CSMD2: variants seen among roughly 807,000 people sequenced by gnomAD.
CSMD2 encodes the protein CUB and sushi domain-containing protein 2.
CSMD2 carries 130 observed loss-of-function variants against 398.5 expected under a neutral mutation model. The ratio of observed to expected loss-of-function variants is 0.33; its 90% confidence interval spans 0.28 to 0.38. CSMD2 has a LOEUF of 0.38. Ranked by LOEUF, CSMD2 falls within the 10% of genes least tolerant of loss-of-function variation. The probability of loss-of-function intolerance (pLI) is 1.00; values close to 1 mark genes in which losing one functional copy is unlikely to be tolerated. For synonymous variants in CSMD2, 1,828 were observed against 1,908.5 expected, an observed-to-expected ratio of 0.96 and a Z score of 1.10; for missense variants, 3,829 against 4,764.9, an observed-to-expected ratio of 0.80 and a Z score of 5.78.
At chr1:33,871,226 A>G (rs1275992815) in intron 5 of CSMD2, among the ~76,000 whole-genome samples, 6 of 152,214 alleles carry the variant, frequency 3.9e-5, no homozygotes, top group African/African-American at 1.2e-4. Flanking sequence ...GTATCATGAC[A>G]TATACCTAAA....
At chr1:33,946,016 C>T (rs1202549787) in intron 3 of CSMD2, among the ~76,000 whole-genome samples, 1 of 152,164 alleles carries the variant, frequency 6.6e-6, no homozygotes, top group Non-Finnish European at 1.5e-5. Context: ...CTATGATACA[C>T]TGGCTGAGAA....
intron 64 of CSMD2, among the ~76,000 whole-genome samples, chr1:33,532,738 C>G (rs920668123): frequency 1.8e-4 from 27 of 152,164 alleles, no homozygotes; most frequent in Non-Finnish European, 3.8e-4. Flanking sequence ...GCTGTTTTAT[C>G]AAGGGTGCAA....
intron 13 of CSMD2, among the ~76,000 whole-genome samples, chr1:33,760,181 C>T (rs1339666663): frequency 6.6e-6 from 1 of 152,230 alleles, no homozygotes; most frequent in Non-Finnish European, 1.5e-5. Flanking sequence ...CTTGCCACAC[C>T]TCTGGAATAA....
intron 46 of CSMD2, among the ~76,000 whole-genome samples, chr1:33,584,087 C>T (rs1002459381): frequency 4.6e-5 from 7 of 152,152 alleles, no homozygotes; most frequent in Non-Finnish European, 7.3e-5. Flanking sequence ...GTGGGTTCTA[C>T]TACCTGGCTT....
chr1:34,077,736 CAAAAAAAAAAA>C lies in CSMD2; in HGVS notation c.404+11230_404+11240del, dbSNP rs59532141. Among the ~76,000 whole-genome samples, 8 of 38,368 alleles carry C rather than the reference CAAAAAAAAAAA, an allele frequency of 2.1e-4. No individual in the cohort carries two copies. In the East Asian group the frequency reaches 4.2e-3, roughly 20 times the overall value. The allele number at this position is 38,368 out of a possible 152,430, so 25.2% of individuals were successfully genotyped here. A position where few individuals can be genotyped will look rare whatever the true frequency, so the allele number is the denominator to read the frequency against. ...TGGGCCACACAGCAAGACTCCATCT[CAAAAAAAAAAA>C]AAAAAAAAAAAAAAAAATGCTGTGA... is the stretch of plus-strand genomic sequence containing the variant. On this transcript the variant is annotated intron_variant, in intron 2 of 70. Coordinates refer to ENST00000373381, the MANE Select transcript of CSMD2 (RefSeq NM_001281956.2).
chr1:34,098,989 T>C (rs186133068), intron 1 of CSMD2, among the ~76,000 whole-genome samples: 1 of 152,334 alleles, frequency 6.6e-6, no homozygotes, highest in Non-Finnish European at 1.5e-5. Flanking sequence ...CTATTACTAA[T>C]ACTTAGGGGG....
chr1:33,743,143 A>C, intron 14 of CSMD2, 137 bp downstream of exon 14: 1 of 679,548 alleles, frequency 1.5e-6, no homozygotes, highest in Non-Finnish European at 2.5e-6. Flanking sequence ...GAGCTCCATG[A>C]CTGGGCACTG....
At chr1:33,651,835 G>A (rs192084880) in intron 28 of CSMD2, among the ~76,000 whole-genome samples, 32 of 152,248 alleles carry the variant, frequency 2.1e-4, no homozygotes, top group Middle Eastern at 3.4e-3. Context: ...GAGAGTGAAC[G>A]GGAGGTGAGG....
intron 5 of CSMD2, among the ~76,000 whole-genome samples, chr1:33,847,927 C>A (rs531263090): frequency 1.3e-5 from 2 of 152,208 alleles, no homozygotes; most frequent in Non-Finnish European, 2.9e-5. Flanking sequence ...GTAACGGCAG[C>A]TGCTGTTCCA....
chr1:34,103,899 G>A (rs1660272662), intron 1 of CSMD2, among the ~76,000 whole-genome samples: 1 of 152,206 alleles, frequency 6.6e-6, no homozygotes, highest in African/African-American at 2.4e-5. Context: ...GGAAACAAAA[G>A]CTTTGGGTTC....
chr1:33,971,813 C>G (rs1645781540), intron 3 of CSMD2, among the ~76,000 whole-genome samples: 1 of 152,038 alleles, frequency 6.6e-6, no homozygotes, highest in East Asian at 1.9e-4. Context: ...CTCAGAGTGC[C>G]CTGGGAGCCA....
chr1:33,654,095 G>A (rs906661206), intron 27 of CSMD2, among the ~76,000 whole-genome samples: 1 of 152,116 alleles, frequency 6.6e-6, no homozygotes, highest in South Asian at 2.1e-4. Flanking sequence ...CCCTAATGTG[G>A]CTGAACATAA....
chr1:33,773,320 T>G (rs1419582805), intron 12 of CSMD2, among the ~76,000 whole-genome samples: 3 of 152,270 alleles, frequency 2.0e-5, no homozygotes, highest in Non-Finnish European at 4.4e-5. Context: ...GTTCACTGCC[T>G]GCTGATGTGG....
rs377384752 is a variant in CSMD2, at chr1:33,773,757, C to T, written c.1664-1006G>A. ...AGGAGGTCATGAAGCCAGTGCCAGA[C>T]GGTGAGGTGAGGACTGTATGAGTCC... On this transcript the variant is annotated intron_variant, in intron 12 of 70. Coordinates refer to ENST00000373381, the MANE Select transcript of CSMD2 (RefSeq NM_001281956.2). Among the ~76,000 whole-genome samples, 66 of 152,204 alleles carry T rather than the reference C, an allele frequency of 4.3e-4. 2 individuals carry two copies. In the South Asian group the frequency reaches 0.012, roughly 28 times the overall value.
At chr1:33,952,368 G>T (rs1448388490) in intron 3 of CSMD2, among the ~76,000 whole-genome samples, 1 of 152,190 alleles carries the variant, frequency 6.6e-6, no homozygotes, top group Admixed American at 6.5e-5. Flanking sequence ...AGTACATGAA[G>T]TTCTTCTCTG....
intron 15 of CSMD2, among the ~76,000 whole-genome samples, chr1:33,731,312 A>T (rs897789422): frequency 2.0e-5 from 3 of 152,218 alleles, no homozygotes; most frequent in African/African-American, 7.2e-5. Context: ...CTTATGAAAA[A>T]ATAAATTATA....
intron 13 of CSMD2, among the ~76,000 whole-genome samples, chr1:33,744,648 C>T (rs1013565263): frequency 6.6e-6 from 1 of 151,920 alleles, no homozygotes; most frequent in Non-Finnish European, 1.5e-5. Flanking sequence ...ATAATCACAA[C>T]GCTTATGACA....
At chr1:33,628,948 G>A (rs1169941788) in intron 32 of CSMD2, among the ~76,000 whole-genome samples, 2 of 151,842 alleles carry the variant, frequency 1.3e-5, no homozygotes, top group African/African-American at 4.8e-5. Context: ...AGTTTTGAAA[G>A]ATAAAGTTTG....
Position 33,698,789 on chromosome 1 carries a change from G to T in CSMD2, c.3889C>A (p.Arg1297Ser). Residue 1297 changes from arginine to serine, a missense_variant, in exon 24 of 71, where the codon CGC becomes AGC. Physicochemically the swap from Arg to Ser is moderately radical, Grantham distance 110 (BLOSUM62 -1). This residue lies in a region of CSMD2 where 2,001 missense variants were observed against 2,567.1 expected (regional missense o/e 0.78). Transcript: ENST00000373381. ...GGCAGAGGCCGGTCCCAGGTCCGGC[G>T]CTCTCCACTCAGACACAGCAGCTCC... ...SEELLCLSGE[R>S]RTWDRPLPTC... 6.2e-7 allele frequency: 1 copy of T among 1,613,804 alleles called. No homozygotes were observed. Among genetic ancestry groups the T allele is most frequent in the Non-Finnish European group, 8.5e-7 (1 of 1,179,880 alleles).
Sources: gnomAD v4.1 joint callset for allele counts (sites outside exome capture counted in the v4.1 genomes callset) on GRCh38, gnomAD v4.1.1 for gene constraint, gnomAD v4.1.1 regional missense constraint, MANE v1.5 for transcripts, NCBI Gene and HGNC (gene_info 2026-07-23, HGNC 2026-07-21) for gene names.